The following ADAMTSL3 variants were observed in gnomAD, a reference collection of about 807,000 sequenced individuals.
ADAMTSL3 encodes the protein ADAMTS like 3, also known as ADAMTS-like protein 3.
ADAMTSL3 carries 128 observed loss-of-function variants against 201.7 expected under a neutral mutation model. The observed-to-expected ratio is 0.63, with a 90% CI of 0.55 to 0.73. The LOEUF is 0.73. Ranked by LOEUF, ADAMTSL3 falls within the 30% of genes least tolerant of loss-of-function variation. ADAMTSL3 has a pLI of 0.00. For missense variants in ADAMTSL3, 1,990 were observed against 2,119.6 expected, an observed-to-expected ratio of 0.94 and a Z score of 1.20; for synonymous variants, 738 against 748.4, an observed-to-expected ratio of 0.99 and a Z score of 0.23.
intron 4 of ADAMTSL3, among the ~76,000 whole-genome samples, chr15:83,795,715 A>G (rs1207783881): frequency 1.3e-5 from 2 of 152,186 alleles, no homozygotes; most frequent in Admixed American, 6.5e-5. Context: ...TATATATTAC[A>G]TTGAATACAT....
intron 28 of ADAMTSL3, among the ~76,000 whole-genome samples, chr15:84,032,583 A>T (rs535489027): frequency 1.1e-3 from 161 of 152,336 alleles, no homozygotes; most frequent in African/African-American, 3.7e-3. Flanking sequence ...AAATACATAC[A>T]TGGGTCACAT....
At chr15:83,777,247 C>T (rs577005742) in intron 4 of ADAMTSL3, among the ~76,000 whole-genome samples, 20 of 152,300 alleles carry the variant, frequency 1.3e-4, no homozygotes, top group East Asian at 3.9e-4. Flanking sequence ...GCAGGACCCC[C>T]GGCACCTGGT....
chr15:83,784,815 T>G (rs1184141623), intron 4 of ADAMTSL3, among the ~76,000 whole-genome samples: 1 of 152,122 alleles, frequency 6.6e-6, no homozygotes, highest in Non-Finnish European at 1.5e-5. Flanking sequence ...TTTATTCCCA[T>G]TTCTTGAGTT....
chr15:83,971,855 C>T (rs1414314066), intron 20 of ADAMTSL3, among the ~76,000 whole-genome samples: 1 of 148,200 alleles, frequency 6.7e-6, no homozygotes, highest in African/African-American at 2.5e-5. Flanking sequence ...TATTTTAATG[C>T]TGCTTAGGAG....
At chr15:83,738,796 C>T (rs1034849179) in intron 3 of ADAMTSL3, among the ~76,000 whole-genome samples, 2 of 151,268 alleles carry the variant, frequency 1.3e-5, no homozygotes, top group Admixed American at 6.6e-5. Context: ...CTTGGGAGGC[C>T]GAGGCAAGAG....
intron 7 of ADAMTSL3, among the ~76,000 whole-genome samples, chr15:83,855,885 A>G (rs976722903): frequency 2.5e-4 from 38 of 152,116 alleles, no homozygotes; most frequent in Admixed American, 2.3e-3. Flanking sequence ...CTGGCATGCA[A>G]CTGTGGCCCC....
intron 2 of ADAMTSL3, among the ~76,000 whole-genome samples, chr15:83,685,996 T>G (rs925578475): frequency 2.1e-5 from 2 of 95,844 alleles, no homozygotes; most frequent in Non-Finnish European, 3.9e-5. Context: ...TGCTGGCAGC[T>G]AGCTCGTCCT....
intron 4 of ADAMTSL3, among the ~76,000 whole-genome samples, chr15:83,786,548 T>A (rs1300061595): frequency 1.3e-5 from 2 of 152,230 alleles, no homozygotes; most frequent in African/African-American, 4.8e-5. Flanking sequence ...TAGATCTTAT[T>A]CATTCTATTG....
chr15:84,005,636 G>T (rs1406132319), intron 23 of ADAMTSL3, among the ~76,000 whole-genome samples: 1 of 152,202 alleles, frequency 6.6e-6, no homozygotes, highest in Non-Finnish European at 1.5e-5. Context: ...TTAAAGAACT[G>T]CCCAGGCTCG....
chr15:83,876,687 G>A (rs2065183957), intron 9 of ADAMTSL3, among the ~76,000 whole-genome samples: 2 of 151,682 alleles, frequency 1.3e-5, no homozygotes, highest in Admixed American at 6.6e-5. Flanking sequence ...GCTGGGGTTC[G>A]GTGGCACAAT....
At chr15:83,996,778 C>A in intron 23 of ADAMTSL3, among the ~76,000 whole-genome samples, 1 of 70,002 alleles carries the variant, frequency 1.4e-5, no homozygotes, top group South Asian at 6.1e-4. Flanking sequence ...GAGACTCTGC[C>A]TCAAAAAAAA....
At chr15:83,980,442 A>G (rs1342562311) in intron 20 of ADAMTSL3, among the ~76,000 whole-genome samples, 1 of 152,152 alleles carries the variant, frequency 6.6e-6, no homozygotes, top group African/African-American at 2.4e-5. Flanking sequence ...TCTTCCATAC[A>G]TGTTTTTCAG....
chr15:83,808,972 C>A (rs1055879466), intron 5 of ADAMTSL3, among the ~76,000 whole-genome samples: 1 of 149,886 alleles, frequency 6.7e-6, no homozygotes, highest in African/African-American at 2.5e-5. Flanking sequence ...CCAGTGGTTA[C>A]CAGAGACTGG....
chr15:83,874,427 G>T (rs1388310126), intron 9 of ADAMTSL3, among the ~76,000 whole-genome samples: 1 of 144,608 alleles, frequency 6.9e-6, no homozygotes, highest in Non-Finnish European at 1.5e-5. Context: ...TTCCTGAGTG[G>T]TAATGGAAGA....
chr15:83,790,030 C>G lies in ADAMTSL3; in HGVS notation c.318-14620C>G, dbSNP rs547938901. Reference sequence around the variant, plus strand: ...TGGGGCTGAGAAATCAAAAGATATCCTTAATATGAAATAAGTAATTTAAAT... The same window carrying G: ...TGGGGCTGAGAAATCAAAAGATATCGTTAATATGAAATAAGTAATTTAAAT... On this transcript the variant is annotated intron_variant, in intron 4 of 29. Transcript: ENST00000286744. 2.6e-5 allele frequency among the ~76,000 whole-genome samples: 4 copies of G among 151,816 alleles called. No homozygotes were observed. The East Asian group carries it at 5.8e-4, about 22-fold the overall frequency.
intron 8 of ADAMTSL3, among the ~76,000 whole-genome samples, chr15:83,863,417 C>G (rs1476419459): frequency 4.6e-5 from 7 of 152,194 alleles, no homozygotes; most frequent in Non-Finnish European, 7.3e-5. Flanking sequence ...CAAACTGTCT[C>G]TCAGACCACA....
chr15:83,859,145 G>T (rs1035481676), intron 8 of ADAMTSL3, among the ~76,000 whole-genome samples: 1 of 152,208 alleles, frequency 6.6e-6, no homozygotes, highest in African/African-American at 2.4e-5. Context: ...AAGACAGGGA[G>T]ATAGAAGTTA....
Position 83,885,835 on chromosome 15 carries a change from A to G in ADAMTSL3, c.1072+623A>G, listed in dbSNP as rs1596356954. On this transcript the variant is annotated intron_variant, in intron 10 of 29. Coordinates refer to ENST00000286744, the MANE Select transcript of ADAMTSL3 (RefSeq NM_207517.3). ...CGCCTCCCAGGTTTAAGCGATTCTCATGCCTCAGCCTCCTGAGTAGCTGGG... is the reference window on the plus strand; with the variant it reads ...CGCCTCCCAGGTTTAAGCGATTCTCGTGCCTCAGCCTCCTGAGTAGCTGGG... 2.6e-5 allele frequency among the ~76,000 whole-genome samples: 4 copies of G among 151,788 alleles called. No individual in the cohort carries two copies. The South Asian group carries it at 8.3e-4, about 32-fold the overall frequency.
chr15:83,747,527 T>C (rs541640703), intron 3 of ADAMTSL3, among the ~76,000 whole-genome samples: 1 of 152,216 alleles, frequency 6.6e-6, no homozygotes, highest in South Asian at 2.1e-4. Context: ...CTCTCACCAT[T>C]TCAGAGCAGT....
Sources: allele counts gnomAD v4.1 joint callset (sites outside exome capture counted in the v4.1 genomes callset), GRCh38; gene constraint gnomAD v4.1.1; transcripts MANE v1.5; gene names NCBI Gene and HGNC (gene_info 2026-07-23, HGNC 2026-07-21).